Variants in PTPN9 observed in about 807,000 individuals in gnomAD.
The protein encoded by PTPN9 is tyrosine-protein phosphatase non-receptor type 9.
A neutral mutation model predicts 69.8 loss-of-function variants in PTPN9; 26 were observed. The ratio of observed to expected loss-of-function variants is 0.37; its 90% CI spans 0.27 to 0.52. The LOEUF is 0.52. Ranked by LOEUF, PTPN9 falls within the 20% of genes least tolerant of loss-of-function variation. The probability of loss-of-function intolerance (pLI) is 0.91; values close to 1 mark genes in which losing one functional copy is unlikely to be tolerated. For missense variants in PTPN9, 549 were observed against 740.3 expected (o/e 0.74, Z 3.00); for synonymous variants, 274 against 272.5 (o/e 1.01, Z -0.05).
chr15:75,539,396 C>T (rs747631681), intron 1 of PTPN9, among the ~76,000 whole-genome samples: 1 of 151,594 alleles, frequency 6.6e-6, no homozygotes, highest in African/African-American at 2.4e-5. Context: ...TCACTGCAAC[C>T]TCTGCCTCCC....
At position 75,523,128 on chromosome 15, in the gene PTPN9, C is replaced by T; in HGVS notation, c.415G>A (p.Val139Met). 2.5e-6 allele frequency: 4 copies of T among 1,613,704 alleles called. No individual in the cohort carries two copies. Among genetic ancestry groups the T allele is most frequent in the Middle Eastern group, 1.7e-4 (1 of 6,058 alleles). Residue 139 changes from valine to methionine, a missense_variant, in exon 4 of 13, where the codon GTG becomes ATG. Val to Met is a conservative substitution (Grantham distance 21). Coordinates refer to ENST00000618819, the MANE Select transcript of PTPN9 (RefSeq NM_002833.4). ...AATAATCTCAATGCTTACCTATCCA[C>T]AGCTCTGTCTAGCAAGTAAAACAGA... The part of the protein sequence containing the change: ...QALFYLLDRA[V>M]DSFETQRNGL...
chr15:75,502,577 C>T (rs1036920472), intron 7 of PTPN9, among the ~76,000 whole-genome samples: 1 of 152,000 alleles, frequency 6.6e-6, no homozygotes, highest in African/African-American at 2.4e-5. Context: ...CAACTAGTTA[C>T]GAGCCAGAGT....
intron 9 of PTPN9, among the ~76,000 whole-genome samples, chr15:75,476,759 C>T (rs556658197): frequency 1.3e-5 from 2 of 152,322 alleles, no homozygotes; most frequent in African/African-American, 2.4e-5. Context: ...AATGGACATG[C>T]ATTACCCTAG....
chr15:75,535,770 A>G (rs924651380), intron 1 of PTPN9, among the ~76,000 whole-genome samples: 3 of 152,054 alleles, frequency 2.0e-5, no homozygotes, highest in Admixed American at 6.6e-5. Context: ...CTGCCTTTTT[A>G]TATCTATTGA....
At chr15:75,503,564 C>A (rs1368509808) in intron 7 of PTPN9, among the ~76,000 whole-genome samples, 3 of 114,794 alleles carry the variant, frequency 2.6e-5, no homozygotes, top group Non-Finnish European at 3.8e-5. Flanking sequence ...AGCCCCCCGC[C>A]CGGCCAGCCG....
chr15:75,560,394 G>C (rs2075099299), intron 1 of PTPN9, among the ~76,000 whole-genome samples: 2 of 152,030 alleles, frequency 1.3e-5, no homozygotes, highest in African/African-American at 2.4e-5. Context: ...TTCATTTTTG[G>C]GGTTTTCAAG....
intron 1 of PTPN9, among the ~76,000 whole-genome samples, chr15:75,530,733 AT>A (rs1236015678): frequency 1.6e-4 from 5 of 31,538 alleles, no homozygotes; most frequent in Admixed American, 5.5e-4. Flanking sequence ...TATAATATAT[AT>A]TATTATATAA....
At chr15:75,543,974 T>C (rs1440858865) in intron 1 of PTPN9, among the ~76,000 whole-genome samples, 1 of 152,166 alleles carries the variant, frequency 6.6e-6, no homozygotes, top group African/African-American at 2.4e-5. Flanking sequence ...TGTGCCACTC[T>C]CACTTTCCTG....
At chr15:75,559,836 T>C (rs1385546885) in intron 1 of PTPN9, among the ~76,000 whole-genome samples, 1 of 151,772 alleles carries the variant, frequency 6.6e-6, no homozygotes, top group Non-Finnish European at 1.5e-5. Context: ...AATGAATATT[T>C]TTTTCTTTTT....
rs1426817651 is a variant in PTPN9 at position 75,467,335 on chromosome 15, T to G, written c.*1434A>C. 3 of 152,644 alleles carry G rather than the reference T, an allele frequency of 2.0e-5. No homozygotes were observed. Among genetic ancestry groups the G allele is most frequent in the African/African-American group, 7.2e-5 (3 of 41,452 alleles). 9.5% of individuals were successfully genotyped at this position (152,644 alleles called of 1,614,324 possible). On this transcript the variant is annotated 3_prime_UTR_variant, in exon 13 of 13. Transcript: ENST00000618819. The stretch of plus-strand genomic sequence containing the variant: ...CTGATCAGCTGCCAACCTCATCTTC[T>G]GTCACAGGGGAAGGTTTAGGAGTTC...
rs1400073552 is a variant in PTPN9 at position 75,530,713 on chromosome 15, A to ATAT, written c.64-3455_64-3453dup. Among the ~76,000 whole-genome samples, 33 of 19,560 alleles carry ATAT rather than the reference A, an allele frequency of 1.7e-3. 6 individuals are homozygous for ATAT. The highest frequency in any genetic ancestry group is 9.2e-3 in the African/African-American group (17 of 1,840). 12.8% of individuals were successfully genotyped at this position (19,560 alleles called of 152,430 possible). A position where few individuals can be genotyped will look rare whatever the true frequency, so the allele number is the denominator to read the frequency against. On this transcript the variant is annotated intron_variant, in intron 1 of 12. Transcript: ENST00000618819. ...TATAATATATATAATATATATTATT[A>ATAT]TATAATATATATAATATATATTATT...
rs759261267 is a variant in PTPN9, at chr15:75,524,211, A to C, written c.295T>G (p.Leu99Val). The C allele has an allele frequency of 4.4e-6, 7 of 1,599,374 alleles. No homozygotes were observed. In the South Asian group the frequency reaches 7.7e-5, roughly 18 times the overall value. Residue 99 changes from leucine to valine, a missense_variant and splice_region_variant, in exon 3 of 13, where the codon TTA (leucine) becomes GTA (valine). Transcript: ENST00000618819. ...SEILSGKFTI[L>V]NVRDPTGASI... is the part of the protein sequence containing the mutation. The stretch of plus-strand genomic sequence containing the variant: ...AAGATAGGTCCCTAAACACTCACTA[A>C]GATGGTGAATTTTCCACTGAGGATC...
chr15:75,476,468 C>T (rs2074597276), intron 9 of PTPN9, among the ~76,000 whole-genome samples: 1 of 152,154 alleles, frequency 6.6e-6, no homozygotes, highest in South Asian at 2.1e-4. Context: ...GCATGCACCA[C>T]TACGCTCGGC....
At chr15:75,521,439 G>A (rs1345207602) in intron 4 of PTPN9, among the ~76,000 whole-genome samples, 6 of 148,678 alleles carry the variant, frequency 4.0e-5, no homozygotes, top group Non-Finnish European at 4.5e-5. Context: ...GGGACAGACC[G>A]AGACTCCGTC....
At chr15:75,542,295 A>C (rs2075012658) in intron 1 of PTPN9, among the ~76,000 whole-genome samples, 1 of 152,170 alleles carries the variant, frequency 6.6e-6, no homozygotes, top group African/African-American at 2.4e-5. Flanking sequence ...GTGCACTTCA[A>C]ACTCAAAGCC....
Position 75,469,804 on chromosome 15 carries a change from T to C in PTPN9, c.1555A>G (p.Ile519Val). 1 of 1,612,856 alleles carries C rather than the reference T, an allele frequency of 6.2e-7. No homozygotes were observed. The highest frequency in any genetic ancestry group is 8.5e-7 in the Non-Finnish European group (1 of 1,180,000). Residue 519 changes from isoleucine (I) to valine (V), a missense_variant, in exon 12 of 13, where the codon ATT (isoleucine) becomes GTT (valine). By Grantham distance (29) the Ile-to-Val change is conservative (BLOSUM62 3). Coordinates refer to ENST00000618819, the MANE Select transcript of PTPN9 (RefSeq NM_002833.4). The part of the protein sequence containing the change: ...PPIVVHCSAG[I>V]GRTGTFCSLD... Reference sequence around the variant, plus strand: ...TTAGGTGCGTTACCTGTCCTGCCAATGCCTGCACTGCAATGGACCACAATG... The same window carrying C: ...TTAGGTGCGTTACCTGTCCTGCCAACGCCTGCACTGCAATGGACCACAATG...
At chr15:75,531,607 G>T (rs968878403) in intron 1 of PTPN9, among the ~76,000 whole-genome samples, 22 of 150,494 alleles carry the variant, frequency 1.5e-4, no homozygotes, top group Admixed American at 1.5e-3. Context: ...TTTTGAGACA[G>T]AATCTCGCTC....
chr15:75,513,330 G>A (rs1211805322), intron 5 of PTPN9: 1 of 455,962 alleles, frequency 2.2e-6, no homozygotes, highest in African/African-American at 2.0e-5. Flanking sequence ...GATGAAAGTA[G>A]TTTATCACAC....
chr15:75,523,698 T>TA (rs2074914849), intron 3 of PTPN9, among the ~76,000 whole-genome samples: 1 of 152,204 alleles, frequency 6.6e-6, no homozygotes, highest in Non-Finnish European at 1.5e-5. Context: ...CATGGGTGTC[T>TA]GACACATTGC....
Sources: allele counts gnomAD v4.1 joint callset (sites outside exome capture counted in the v4.1 genomes callset), GRCh38; gene constraint gnomAD v4.1.1; transcripts MANE v1.5; gene names NCBI Gene and HGNC (gene_info 2026-07-23, HGNC 2026-07-21).